Variants in TUBB4A observed in about 807,000 individuals in gnomAD.
The protein encoded by TUBB4A is tubulin beta 4A class IVa.
TUBB4A carries 13 observed loss-of-function variants against 35.1 expected under a neutral mutation model. That is an observed-to-expected ratio of 0.37 (90% CI 0.24 to 0.59). The LOEUF is 0.59. TUBB4A is among the 20% of genes least tolerant of loss of function. The probability of loss-of-function intolerance (pLI) is 0.71; values close to 1 mark genes in which losing one functional copy is unlikely to be tolerated. For synonymous variants in TUBB4A, 279 were observed against 272.4 expected (o/e 1.02, Z -0.24); for missense variants, 299 against 647.2 (o/e 0.46, Z 5.84).
In TUBB4A at chr19:6,501,514, C is replaced by T; in HGVS notation, c.166+1G>A. On this transcript the variant is annotated splice_donor_variant, in intron 2 of 3. Transcript: ENST00000264071. LOFTEE classifies it high-confidence loss of function. This position sits in a 1 kb window ranked among gnomAD's most constrained non-coding sequence, Gnocchi z 4.2. ...CCTGGAAGGTGCCTCCTTCGCCCTA[C>T]CTGTGGCCTCGTTGTAGTACACGTT... The T allele has an allele frequency of 6.2e-7, 1 of 1,613,616 alleles. No homozygotes were observed. The highest frequency in any genetic ancestry group is 8.5e-7 in the Non-Finnish European group (1 of 1,179,640).
chr19:6,498,486 G>A (rs1290154178), intron 3 of TUBB4A, among the ~76,000 whole-genome samples: 3 of 152,084 alleles, frequency 2.0e-5, no homozygotes, highest in Non-Finnish European at 4.4e-5. Context: ...CCTACCTTGG[G>A]GTCAAAGCCC....
At chr19:6,502,131 T>G in intron 1 of TUBB4A, 25 bp downstream of exon 1, 2 of 1,547,472 alleles carry the variant, frequency 1.3e-6, no homozygotes, top group Non-Finnish European at 1.7e-6. Context: ...CGCCACTGCC[T>G]CCCCGGGCCC....
Position 6,502,261 on chromosome 19 carries a change from A to G in TUBB4A, c.-49T>C. ...CGGCGGCGGTGGCACGAGCGCGGGGAGCTGCGGCGGCGGCGAGGGTGGAAG... is the reference window on the plus strand; with the variant it reads ...CGGCGGCGGTGGCACGAGCGCGGGGGGCTGCGGCGGCGGCGAGGGTGGAAG... On this transcript the variant is annotated 5_prime_UTR_variant, in exon 1 of 4. Transcript: ENST00000264071. The G allele has an allele frequency of 6.8e-7, 1 of 1,476,276 alleles. No individual in the cohort carries two copies. The highest frequency in any genetic ancestry group is 8.9e-7 in the Non-Finnish European group (1 of 1,121,708). The allele number at this position is 1,476,276 out of a possible 1,614,324, so 91.4% of individuals were successfully genotyped here.
chr19:6,500,555 TAGAG>T (rs1318304063), intron 3 of TUBB4A: 1 of 152,072 alleles, frequency 6.6e-6, no homozygotes, highest in African/African-American at 2.4e-5. Flanking sequence ...ATGGGCAACA[TAGAG>T]AGACCCACCT....
In TUBB4A at chr19:6,501,244, T is replaced by A; in HGVS notation, c.277+43A>T. On this transcript the variant is annotated intron_variant, in intron 3 of 3. Coordinates refer to ENST00000264071, the MANE Select transcript of TUBB4A (RefSeq NM_006087.4). The surrounding 1 kb of genome is among the most constrained non-coding windows in gnomAD (Gnocchi z 4.2). ...GTTGACTCTGTGGTGTTAGCAGGAA[T>A]AAGGAGGTTTTCCAGCCTCTGGCTC... 1 of 1,537,560 alleles carries A rather than the reference T, an allele frequency of 6.5e-7. No homozygotes were observed. The highest frequency in any genetic ancestry group is 8.9e-7 in the Non-Finnish European group (1 of 1,117,624).
chr19:6,502,494 A>C, upstream of TUBB4A: 1 of 419,362 alleles, frequency 2.4e-6, no homozygotes, highest in Non-Finnish European at 4.2e-6. Context: ...ACGTGCTCCG[A>C]CCCCTGCCTT....
intron 3 of TUBB4A, among the ~76,000 whole-genome samples, chr19:6,497,600 A>G (rs890075656): frequency 6.6e-6 from 1 of 151,950 alleles, no homozygotes; most frequent in Admixed American, 6.6e-5. Flanking sequence ...ATTGTCTGCA[A>G]GCTCACTGTG....
Position 6,495,162 on chromosome 19 carries a change from G to C in TUBB4A, c.*2C>G. ...GGACAGGTGGGAAGCGATGGGAGCA[G>C]CCTAGGCCACCTCCTCCTCCGCCTC... On this transcript the variant is annotated 3_prime_UTR_variant, in exon 4 of 4. Coordinates refer to ENST00000264071, the MANE Select transcript of TUBB4A (RefSeq NM_006087.4). This position sits in a 1 kb window ranked among gnomAD's most constrained non-coding sequence, Gnocchi z 8.7. The C allele has an allele frequency of 6.2e-7, 1 of 1,613,702 alleles. No homozygotes were observed. The highest frequency in any genetic ancestry group is 1.7e-4 in the Middle Eastern group (1 of 5,982).
rs1314691161 is a variant in TUBB4A at position 6,501,909 on chromosome 19, C to T, written c.57+247G>A. The T allele has an allele frequency of 1.2e-5, 7 of 582,854 alleles. No individual in the cohort carries two copies. The highest frequency in any genetic ancestry group is 6.5e-5 in the Admixed American group (2 of 30,674). 36.1% of individuals were successfully genotyped at this position (582,854 alleles called of 1,614,324 possible). ...TTGTGCGTGAGGAGGGGACAGTGGCCCAGCTGTGGGCCCAGCTGTGACAGG... is the reference window on the plus strand; with the variant it reads ...TTGTGCGTGAGGAGGGGACAGTGGCTCAGCTGTGGGCCCAGCTGTGACAGG... On this transcript the variant is annotated intron_variant, in intron 1 of 3. Coordinates refer to ENST00000264071, the MANE Select transcript of TUBB4A (RefSeq NM_006087.4). This position sits in a 1 kb window ranked among gnomAD's most constrained non-coding sequence, Gnocchi z 4.2.
rs199666595 is a variant in TUBB4A at position 6,495,875 on chromosome 19, G to A, written c.624C>T (p.Tyr208=). 6.6e-5 allele frequency: 107 copies of A among 1,614,092 alleles called. No individual in the cohort carries two copies. The South Asian group carries it at 9.0e-4, about 14-fold the overall frequency. Residue 208 remains tyrosine, a synonymous_variant, in exon 4 of 4, where the codon TAC becomes TAT. Coordinates refer to ENST00000264071, the MANE Select transcript of TUBB4A (RefSeq NM_006087.4). The surrounding 1 kb of genome is among the most constrained non-coding windows in gnomAD (Gnocchi z 8.7). ...GCTTGAGGGTGCGGAAACAGATGTC[G>A]TAGAGTGCCTCGTTGTCGATGCAGT... is the stretch of plus-strand genomic sequence containing the variant. ...ETYCIDNEAL[Y]DICFRTLKLT...
Position 6,501,133 on chromosome 19 carries a change from C to T in TUBB4A, c.277+154G>A. 1.6e-6 allele frequency: 1 copy of T among 613,404 alleles called. No homozygotes were observed. The highest frequency in any genetic ancestry group is 2.0e-5 in the South Asian group (1 of 49,708). 38.0% of individuals were successfully genotyped at this position (613,404 alleles called of 1,614,324 possible). The stretch of plus-strand genomic sequence containing the variant: ...CTCAGGGCTCTCACAGTGGCCTGAG[C>T]ATCCCCTCATCACAGCCCTGGATGC... On this transcript the variant is annotated intron_variant, in intron 3 of 3. Coordinates refer to ENST00000264071, the MANE Select transcript of TUBB4A (RefSeq NM_006087.4). This position sits in a 1 kb window ranked among gnomAD's most constrained non-coding sequence, Gnocchi z 4.2.
At chr19:6,502,023 C>A in intron 1 of TUBB4A, 133 bp downstream of exon 1, 1 of 1,015,366 alleles carries the variant, frequency 9.8e-7, no homozygotes, top group Non-Finnish European at 1.4e-6. Flanking sequence ...CCCCCAAGGC[C>A]CCTGGGGCGC....
intron 1 of TUBB4A, 89 bp downstream of exon 1, chr19:6,502,067 G>T: frequency 7.2e-7 from 1 of 1,388,266 alleles, no homozygotes; most frequent in Non-Finnish European, 9.5e-7. Context: ...CCTTTCCAAA[G>T]ACTCCCAGGT....
chr19:6,495,272 G>A lies in TUBB4A; in HGVS notation c.1227C>T (p.Thr409=), dbSNP rs1482421503. 3.1e-6 allele frequency: 5 copies of A among 1,613,798 alleles called. No homozygotes were observed. The highest frequency in any genetic ancestry group is 1.7e-4 in the Middle Eastern group (1 of 5,946). Residue 409 remains threonine (T), a synonymous_variant, in exon 4 of 4, where the codon ACC becomes ACT. Transcript: ENST00000264071. This position sits in a 1 kb window ranked among gnomAD's most constrained non-coding sequence, Gnocchi z 8.7. ...TGEGMDEMEF[T]EAESNMNDLV... ...GGTCATTCATGTTGCTCTCGGCCTC[G>A]GTGAACTCCATCTCGTCCATGCCCT...
intron 3 of TUBB4A, among the ~76,000 whole-genome samples, chr19:6,496,824 AACACACAT>A (rs1914223268): frequency 1.4e-5 from 2 of 146,340 alleles, no homozygotes; most frequent in East Asian, 2.0e-4. Flanking sequence ...CCATCTCAAA[AACACACAT>A]ACACACAAAA....
Position 6,501,433 on chromosome 19 carries a change from G to GCCAGGAACCACAGGCGC in TUBB4A, c.167-53_167-37dup. The GCCAGGAACCACAGGCGC allele has an allele frequency of 6.2e-7, 1 of 1,605,380 alleles. No individual in the cohort carries two copies. Among genetic ancestry groups the GCCAGGAACCACAGGCGC allele is most frequent in the Non-Finnish European group, 8.5e-7 (1 of 1,173,464 alleles). On this transcript the variant is annotated intron_variant, in intron 2 of 3. Coordinates refer to ENST00000264071, the MANE Select transcript of TUBB4A (RefSeq NM_006087.4). This position sits in a 1 kb window ranked among gnomAD's most constrained non-coding sequence, Gnocchi z 4.2. ...ACAGATGGAGGGCAGTTCGATGCGT[G>GCCAGGAACCACAGGCGC]CCAGGAACCACAGGCGCCCGGTAGC...
Position 6,501,205 on chromosome 19 carries a change from C to T in TUBB4A, c.277+82G>A. On this transcript the variant is annotated intron_variant, in intron 3 of 3. Transcript: ENST00000264071. This position sits in a 1 kb window ranked among gnomAD's most constrained non-coding sequence, Gnocchi z 4.2. ...GTCCACCCCATCTCTGGTCTGTGGG[C>T]CCCGGTGGTGGCTGTTGACTCTGTG... 8.4e-7 allele frequency: 1 copy of T among 1,185,594 alleles called. No individual in the cohort carries two copies. The highest frequency in any genetic ancestry group is 1.2e-6 in the Non-Finnish European group (1 of 828,624). 73.4% of individuals were successfully genotyped at this position (1,185,594 alleles called of 1,614,324 possible).
At chr19:6,497,758 C>A (rs995109127) in intron 3 of TUBB4A, among the ~76,000 whole-genome samples, 1 of 150,410 alleles carries the variant, frequency 6.6e-6, no homozygotes, top group Non-Finnish European at 1.5e-5. Flanking sequence ...ACAGTGAAAC[C>A]CTGTCTCTAC....
rs1914049950 is a variant in TUBB4A, at chr19:6,494,961, G to A, written c.*203C>T. 1.5e-6 allele frequency: 1 copy of A among 648,218 alleles called. No homozygotes were observed. The highest frequency in any genetic ancestry group is 2.7e-5 in the East Asian group (1 of 36,506). 40.2% of individuals were successfully genotyped at this position (648,218 alleles called of 1,614,324 possible). ...TGTCAAGGTTGGAAGAGCTCAAGGG[G>A]GTTAAAGATAAATTAGGGCTCAAAG... is the stretch of plus-strand genomic sequence containing the variant. On this transcript the variant is annotated 3_prime_UTR_variant, in exon 4 of 4. Transcript: ENST00000264071.
Sources: gnomAD v4.1 joint callset for allele counts (sites outside exome capture counted in the v4.1 genomes callset) on GRCh38, gnomAD v4.1.1 for gene constraint, Gnocchi (gnomAD v3.1) non-coding constraint, MANE v1.5 for transcripts, NCBI Gene and HGNC (gene_info 2026-07-23, HGNC 2026-07-21) for gene names.